Variants in DLGAP1 observed in about 807,000 individuals in gnomAD.
DLGAP1 encodes DLG associated protein 1, also known as disks large-associated protein 1.
A neutral mutation model predicts 90.8 loss-of-function variants in DLGAP1; 11 were observed. The observed-to-expected ratio is 0.12, with a 90% CI of 0.08 to 0.20. The LOEUF (loss-of-function observed/expected upper bound fraction) is 0.20, where lower values mean the gene tolerates loss of function less well. Among genes scored for constraint, DLGAP1 ranks in the 10% least tolerant of loss-of-function variants. The pLI is 1.00. For synonymous variants in DLGAP1, 558 were observed against 540.7 expected, an observed-to-expected ratio of 1.03 and a Z score of -0.44; for missense variants, 1,050 against 1,333.8, an observed-to-expected ratio of 0.79 and a Z score of 3.31.
chr18:4,078,260 A>G (rs185744733), intron 2 of DLGAP1, among the ~76,000 whole-genome samples: 114 of 152,320 alleles, frequency 7.5e-4, no homozygotes, highest in African/African-American at 2.7e-3. Flanking sequence ...TTAAGCACCT[A>G]CAATCAATAA....
intron 4 of DLGAP1, among the ~76,000 whole-genome samples, chr18:3,867,502 A>C (rs2070472985): frequency 6.6e-6 from 1 of 152,176 alleles, no homozygotes; most frequent in African/African-American, 2.4e-5. Flanking sequence ...GGATGAAATT[A>C]ACCACTGGTA....
intron 4 of DLGAP1, among the ~76,000 whole-genome samples, chr18:3,870,605 C>CATCCATCT (rs2070686400): frequency 1.4e-5 from 2 of 148,114 alleles, no homozygotes; most frequent in Non-Finnish European, 3.0e-5. Context: ...TACATAAATA[C>CATCCATCT]ATCTATCTAT....
Position 4,005,342 on chromosome 18 carries a change from T to C in DLGAP1, c.-158-141A>G, listed in dbSNP as rs374913516. On this transcript the variant is annotated intron_variant, in intron 2 of 12. Transcript: ENST00000315677. ...TAGACAGACTTCTCAGATGTTTGAA[T>C]CTTCAAATTATTATGTCTAATTACT... The C allele has an allele frequency of 9.2e-5, 14 of 152,344 alleles. No individual in the cohort carries two copies. The East Asian group carries it at 2.3e-3, about 25-fold the overall frequency. 9.4% of individuals were successfully genotyped at this position (152,344 alleles called of 1,614,324 possible).
At position 3,527,765 on chromosome 18, in the gene DLGAP1, A is replaced by T. The variant is rs190931349; in HGVS notation, c.2479+6429T>A. 4.8e-3 allele frequency among the ~76,000 whole-genome samples: 727 copies of T among 152,006 alleles called. 3 individuals are homozygous for T. Among genetic ancestry groups the T allele is most frequent in the Non-Finnish European group, 7.5e-3 (509 of 67,974 alleles). Reference sequence around the variant, plus strand: ...GCCACCAAGCCTGCCTAATTAAAAAAATATATATTTTTGTAGAGATAGGGT... The same window carrying T: ...GCCACCAAGCCTGCCTAATTAAAAATATATATATTTTTGTAGAGATAGGGT... On this transcript the variant is annotated intron_variant, in intron 10 of 12. Coordinates refer to ENST00000315677, the MANE Select transcript of DLGAP1 (RefSeq NM_004746.4).
At chr18:4,443,140 A>G (rs1253359288) in intron 1 of DLGAP1, among the ~76,000 whole-genome samples, 1 of 152,270 alleles carries the variant, frequency 6.6e-6, no homozygotes, top group Non-Finnish European at 1.5e-5. Context: ...TGATTTATAA[A>G]TAGTCTACAT....
At chr18:3,856,256 G>A (rs569797616) in intron 4 of DLGAP1, among the ~76,000 whole-genome samples, 2 of 152,256 alleles carry the variant, frequency 1.3e-5, no homozygotes, top group East Asian at 1.9e-4. Flanking sequence ...AAACATTAAC[G>A]AGAGCAAAGA....
rs533842279 is a variant in DLGAP1 at position 3,523,446 on chromosome 18, A to AT, written c.2479+10747_2479+10748insA. Among the ~76,000 whole-genome samples the AT allele has an allele frequency of 2.5e-3, 378 of 152,258 alleles. 1 individual carries two copies. Among genetic ancestry groups the AT allele is most frequent in the African/African-American group, 8.3e-3 (343 of 41,556 alleles). ...TACAACCCGGGAAAAAATATTTGCA[A>AT]ACCACATAACCAATAAGGTTTGCAG... On this transcript the variant is annotated intron_variant, in intron 10 of 12. Transcript: ENST00000315677.
At chr18:3,621,273 A>C (rs1387183884) in intron 7 of DLGAP1, among the ~76,000 whole-genome samples, 1 of 143,930 alleles carries the variant, frequency 6.9e-6, no homozygotes, top group Non-Finnish European at 1.5e-5. Flanking sequence ...AAGAGATTCA[A>C]TCCATCTTAG....
At chr18:3,686,033 T>A (rs1942396258) in intron 7 of DLGAP1, among the ~76,000 whole-genome samples, 1 of 151,708 alleles carries the variant, frequency 6.6e-6, no homozygotes, top group Non-Finnish European at 1.5e-5. Context: ...AAAATTTAAT[T>A]GGGCATGGTG....
chr18:4,172,140 T>C (rs989946825), intron 1 of DLGAP1, among the ~76,000 whole-genome samples: 2 of 152,224 alleles, frequency 1.3e-5, no homozygotes, highest in Non-Finnish European at 2.9e-5. Flanking sequence ...GATTAGAAAG[T>C]TGATCCAATG....
intron 7 of DLGAP1, chr18:3,708,209 G>T: frequency 1.7e-5 from 6 of 348,786 alleles, no homozygotes; most frequent in Non-Finnish European, 3.4e-5. Context: ...ATTTCACCAT[G>T]TTGGCCAGGC....
intron 2 of DLGAP1, among the ~76,000 whole-genome samples, chr18:4,040,745 G>A (rs970142066): frequency 6.6e-6 from 1 of 152,200 alleles, no homozygotes; most frequent in African/African-American, 2.4e-5. Context: ...ACATGTGAAC[G>A]TGAAAATCTG....
chr18:4,449,693 T>G (rs1178056302), intron 1 of DLGAP1, among the ~76,000 whole-genome samples: 1 of 152,128 alleles, frequency 6.6e-6, no homozygotes, highest in African/African-American at 2.4e-5. Context: ...AATCTGACAC[T>G]CACAAGTCAA....
chr18:3,643,571 G>A (rs1370343610), intron 7 of DLGAP1, among the ~76,000 whole-genome samples: 2 of 149,412 alleles, frequency 1.3e-5, no homozygotes, highest in Non-Finnish European at 3.0e-5. Context: ...GCTGAGGCAG[G>A]AGAATGGCGT....
intron 1 of DLGAP1, among the ~76,000 whole-genome samples, chr18:4,339,382 T>C (rs1011233978): frequency 6.6e-6 from 1 of 152,196 alleles, no homozygotes; most frequent in Non-Finnish European, 1.5e-5. Flanking sequence ...CGAGTCTTAA[T>C]ACCTAGGTAA....
chr18:3,646,435 A>G, intron 7 of DLGAP1, among the ~76,000 whole-genome samples: 1 of 152,180 alleles, frequency 6.6e-6, no homozygotes, highest in East Asian at 1.9e-4. Flanking sequence ...AAAACCCTCC[A>G]TACTTAAACC....
At chr18:4,440,466 CTAAT>C (rs2083508152) in intron 1 of DLGAP1, among the ~76,000 whole-genome samples, 1 of 152,092 alleles carries the variant, frequency 6.6e-6, no homozygotes, top group Admixed American at 6.6e-5. Context: ...CTATCTTTGA[CTAAT>C]TAATGCTTTA....
chr18:3,629,802 C>T (rs1371127362), intron 7 of DLGAP1, among the ~76,000 whole-genome samples: 2 of 152,080 alleles, frequency 1.3e-5, no homozygotes, highest in Non-Finnish European at 2.9e-5. Flanking sequence ...ATGAGATGAG[C>T]ACTTTTTGCA....
At chr18:4,036,554 C>A (rs912734445) in intron 2 of DLGAP1, among the ~76,000 whole-genome samples, 1 of 152,208 alleles carries the variant, frequency 6.6e-6, no homozygotes, top group African/African-American at 2.4e-5. Context: ...TGTCACTTCA[C>A]AGATTCTTTG....
Sources: allele counts gnomAD v4.1 joint callset (sites outside exome capture counted in the v4.1 genomes callset), GRCh38; gene constraint gnomAD v4.1.1; transcripts MANE v1.5; gene names NCBI Gene and HGNC (gene_info 2026-07-23, HGNC 2026-07-21).